SPTLC2: variants seen among roughly 807,000 people sequenced by gnomAD.
SPTLC2 encodes the protein serine palmitoyltransferase 2.
In SPTLC2, 21 loss-of-function variants were observed where a neutral mutation model predicts 62.0. The observed-to-expected ratio is 0.34, with a 90% CI of 0.24 to 0.49. The LOEUF is 0.49. Among genes scored for constraint, SPTLC2 ranks in the 20% least tolerant of loss-of-function variants. SPTLC2 has a pLI of 0.99. For synonymous variants in SPTLC2, 261 were observed against 261.8 expected, an observed-to-expected ratio of 1.00 and a Z score of 0.03; for missense variants, 511 against 713.0, an observed-to-expected ratio of 0.72 and a Z score of 3.23.
At chr14:77,584,777 AC>A (rs2079771915) in intron 2 of SPTLC2, among the ~76,000 whole-genome samples, 1 of 151,298 alleles carries the variant, frequency 6.6e-6, no homozygotes, top group African/African-American at 2.5e-5. Context: ...CACATAACAA[AC>A]CCCCTACAAG....
intron 9 of SPTLC2, among the ~76,000 whole-genome samples, chr14:77,548,364 T>C (rs969251541): frequency 2.6e-5 from 4 of 152,226 alleles, no homozygotes; most frequent in African/African-American, 9.6e-5. Context: ...ATGTTATTAT[T>C]AACTACACCT....
In SPTLC2 at chr14:77,521,615, C is replaced by A. The variant is rs2072672; in HGVS notation, c.1304-34G>T. On this transcript the variant is annotated intron_variant, in intron 9 of 11. Transcript: ENST00000216484. ...TCACGGTGAGAGAAAACAAAATAAT[C>A]CTAAGTAAAAAGGAATGGAAAAAAG... The A allele has an allele frequency of 0.73, 1,168,670 of 1,593,132 alleles. 432,000 individuals are homozygous for A. Among genetic ancestry groups the A allele is most frequent in the East Asian group, 0.94 (41,879 of 44,780 alleles).
rs188839164 is a variant in SPTLC2, at chr14:77,507,994, T to C, written c.*4290A>G. The C allele has an allele frequency of 2.0e-5, 3 of 152,408 alleles. No individual in the cohort carries two copies. Among genetic ancestry groups the C allele is most frequent in the Admixed American group, 2.0e-4 (3 of 15,308 alleles). The allele number at this position is 152,408 out of a possible 1,614,324, so 9.4% of individuals were successfully genotyped here. A position where few individuals can be genotyped will look rare whatever the true frequency, so the allele number is the denominator to read the frequency against. ...GCCTCAGCCTCTCAAGTAGCTGGGA[T>C]TGCAGGCTGCATCCGCACCCAGCTC... On this transcript the variant is annotated 3_prime_UTR_variant, in exon 12 of 12. Transcript: ENST00000216484.
intron 1 of SPTLC2, among the ~76,000 whole-genome samples, chr14:77,600,846 A>C (rs1355654982): frequency 6.6e-6 from 1 of 152,226 alleles, no homozygotes; most frequent in African/African-American, 2.4e-5. Flanking sequence ...AACACATTAC[A>C]GAACAAGAGA....
rs530717900 is a variant in SPTLC2, at chr14:77,551,953, A to G, written c.1303+143T>C. 29 of 1,273,692 alleles carry G rather than the reference A, an allele frequency of 2.3e-5. 1 individual carries two copies. The South Asian group carries it at 2.6e-4, about 11-fold the overall frequency. 78.9% of individuals were successfully genotyped at this position (1,273,692 alleles called of 1,614,324 possible). ...ATGGCATATGTATCAAACACACTAA[A>G]AAAGTGTCCATGGAAACCACACACC... On this transcript the variant is annotated intron_variant, in intron 9 of 11. Coordinates refer to ENST00000216484, the MANE Select transcript of SPTLC2 (RefSeq NM_004863.4).
chr14:77,554,842 A>C (rs1254585652), intron 8 of SPTLC2: 1 of 191,302 alleles, frequency 5.2e-6, no homozygotes, highest in Non-Finnish European at 1.1e-5. Flanking sequence ...TGAAAAATAC[A>C]ATGCTTTGTA....
At chr14:77,596,304 A>G (rs977083075) in intron 2 of SPTLC2, among the ~76,000 whole-genome samples, 15 of 151,358 alleles carry the variant, frequency 9.9e-5, no homozygotes, top group Admixed American at 6.6e-4. Flanking sequence ...GAGCCACTGC[A>G]CTCCAGCCTG....
At chr14:77,611,941 T>C (rs1390689764) in intron 1 of SPTLC2, among the ~76,000 whole-genome samples, 2 of 152,190 alleles carry the variant, frequency 1.3e-5, no homozygotes, top group Non-Finnish European at 2.9e-5. Flanking sequence ...GAAGAATAGC[T>C]GCCTCAAGCT....
chr14:77,597,818 A>ACCTCACTG (rs1258885068), intron 1 of SPTLC2, among the ~76,000 whole-genome samples: 3 of 121,590 alleles, frequency 2.5e-5, no homozygotes, highest in African/African-American at 8.4e-5. Context: ...ACTGGAAACA[A>ACCTCACTG]GAAAAAAAAA....
intron 9 of SPTLC2, among the ~76,000 whole-genome samples, chr14:77,537,188 G>A (rs2079475960): frequency 6.6e-6 from 1 of 151,816 alleles, no homozygotes; most frequent in Non-Finnish European, 1.5e-5. Flanking sequence ...AAAGTGCTAG[G>A]ATTACAGACG....
At chr14:77,579,750 A>C (rs1595002401) in intron 2 of SPTLC2, among the ~76,000 whole-genome samples, 3 of 152,052 alleles carry the variant, frequency 2.0e-5, no homozygotes, top group Non-Finnish European at 2.9e-5. Context: ...AACAAAAAAA[A>C]CCCTGATGTA....
chr14:77,562,747 T>C (rs1490382984), intron 5 of SPTLC2, among the ~76,000 whole-genome samples: 1 of 152,218 alleles, frequency 6.6e-6, no homozygotes, highest in African/African-American at 2.4e-5. Flanking sequence ...TACTCAGATA[T>C]ATGGCAACAG....
intron 9 of SPTLC2, among the ~76,000 whole-genome samples, chr14:77,533,300 C>G (rs923720016): frequency 2.0e-5 from 2 of 98,498 alleles, no homozygotes; most frequent in African/African-American, 7.8e-5. Flanking sequence ...AACTCCGTTG[C>G]AAAAAAAAAA....
intron 9 of SPTLC2, among the ~76,000 whole-genome samples, chr14:77,523,640 G>A (rs1217534707): frequency 1.3e-5 from 2 of 152,140 alleles, no homozygotes; most frequent in Non-Finnish European, 2.9e-5. Context: ...ACATGGAGCT[G>A]GGAATAGTTT....
Position 77,560,828 on chromosome 14 carries a change from TA to T in SPTLC2, c.850+1567del, listed in dbSNP as rs1161672501. Among the ~76,000 whole-genome samples, 3 of 151,416 alleles carry T rather than the reference TA, an allele frequency of 2.0e-5. No homozygotes were observed. The South Asian group carries it at 6.3e-4, about 32-fold the overall frequency. ...AACACTGAGTACATACAGACACGAC[TA>T]AGGGAACAACAGACACTGGGGTCTA... is the stretch of plus-strand genomic sequence containing the variant. On this transcript the variant is annotated intron_variant, in intron 6 of 11. Transcript: ENST00000216484.
chr14:77,520,923 T>A (rs183150009), intron 10 of SPTLC2, among the ~76,000 whole-genome samples: 1 of 152,382 alleles, frequency 6.6e-6, no homozygotes, highest in Non-Finnish European at 1.5e-5. Flanking sequence ...CTGTGGCCTT[T>A]GCACAGATGC....
In SPTLC2 at chr14:77,555,460, G is replaced by A; in HGVS notation, c.1016C>T (p.Ala339Val). 6.2e-7 allele frequency: 1 copy of A among 1,614,146 alleles called. No homozygotes were observed. The highest frequency in any genetic ancestry group is 8.5e-7 in the Non-Finnish European group (1 of 1,180,032). The change falls in exon 8 of 12, where the codon GCA becomes GTA. Residue 339 changes from alanine (A) to valine (V), a missense_variant. Coordinates refer to ENST00000216484, the MANE Select transcript of SPTLC2 (RefSeq NM_004863.4). ...GTGAGCCTCATCCAGATACAAGTAT[G>A]CCTTGTATTTCTTCTTGAGGGCAAT... ...EVIALKKKYK[A>V]YLYLDEAHSI...
At chr14:77,547,238 G>A (rs1341687408) in intron 9 of SPTLC2, among the ~76,000 whole-genome samples, 2 of 151,768 alleles carry the variant, frequency 1.3e-5, no homozygotes, top group African/African-American at 4.8e-5. Context: ...GAGGAAGCGA[G>A]TCTGATTCCC....
At chr14:77,614,864 G>A (rs1320472903) in intron 1 of SPTLC2, among the ~76,000 whole-genome samples, 1 of 150,098 alleles carries the variant, frequency 6.7e-6, no homozygotes, top group African/African-American at 2.5e-5. Context: ...CCAGCTACTC[G>A]GGAGGCTGGG....
Sources: allele counts gnomAD v4.1 joint callset (sites outside exome capture counted in the v4.1 genomes callset), GRCh38; gene constraint gnomAD v4.1.1; transcripts MANE v1.5; gene names NCBI Gene and HGNC (gene_info 2026-07-23, HGNC 2026-07-21).